CSMD1: variants seen among roughly 807,000 people sequenced by gnomAD.
The protein encoded by CSMD1 is CUB and sushi domain-containing protein 1.
A neutral mutation model predicts 417.5 loss-of-function variants in CSMD1; 213 were observed. The ratio of observed to expected loss-of-function variants is 0.51; its 90% CI spans 0.46 to 0.57. The LOEUF (loss-of-function observed/expected upper bound fraction) is 0.57, where lower values mean the gene tolerates loss of function less well. CSMD1 is among the 20% of genes least tolerant of loss of function. The pLI is 0.00. For missense variants in CSMD1, 6,923 were observed against 4,529.7 expected (o/e 1.53, Z -15.17); for synonymous variants, 2,862 against 1,736.8 (o/e 1.65, Z -16.11).
chr8:4,526,169 T>G (rs985084360), intron 2 of CSMD1, among the ~76,000 whole-genome samples: 16 of 152,204 alleles, frequency 1.1e-4, no homozygotes, highest in African/African-American at 3.9e-4. Context: ...AACCAACATT[T>G]GTGATTTTTG....
At chr8:4,709,467 G>C (rs180879121) in intron 1 of CSMD1, among the ~76,000 whole-genome samples, 4 of 152,316 alleles carry the variant, frequency 2.6e-5, no homozygotes, top group East Asian at 1.9e-4. Context: ...TCTGTCCATA[G>C]GACGTAAGGA....
At chr8:2,989,765 A>C (rs917168638) in intron 54 of CSMD1, among the ~76,000 whole-genome samples, 1 of 152,186 alleles carries the variant, frequency 6.6e-6, no homozygotes, top group Non-Finnish European at 1.5e-5. Flanking sequence ...AGCTTTTCAT[A>C]CTTAAAAGCC....
chr8:4,224,714 T>C lies in CSMD1; in HGVS notation c.416-192615A>G, dbSNP rs144629493. On this transcript the variant is annotated intron_variant, in intron 3 of 69. Transcript: ENST00000635120. The stretch of plus-strand genomic sequence containing the variant: ...ATGGAGATGAATTACTAATATAGCT[T>C]CTTTTTTCCTCCCTAGCTTTTGGTG... Among the ~76,000 whole-genome samples the C allele has an allele frequency of 7.2e-5, 11 of 152,348 alleles. No individual in the cohort carries two copies. The East Asian group carries it at 2.1e-3, about 29-fold the overall frequency.
At chr8:3,238,187 G>A (rs1383400740) in intron 26 of CSMD1, among the ~76,000 whole-genome samples, 1 of 152,010 alleles carries the variant, frequency 6.6e-6, no homozygotes, top group Non-Finnish European at 1.5e-5. Flanking sequence ...GTGGGCAGGT[G>A]TGGGGGTGTC....
At chr8:3,403,962 T>A (rs1197865045) in intron 15 of CSMD1, among the ~76,000 whole-genome samples, 1 of 152,212 alleles carries the variant, frequency 6.6e-6, no homozygotes, top group East Asian at 1.9e-4. Context: ...CCCTTCTATT[T>A]ATCAATATTT....
chr8:3,684,362 A>G (rs897578732), intron 7 of CSMD1, among the ~76,000 whole-genome samples: 5 of 147,070 alleles, frequency 3.4e-5, no homozygotes, highest in African/African-American at 1.2e-4. Context: ...AGCATGTTGT[A>G]TATTACATAA....
intron 5 of CSMD1, among the ~76,000 whole-genome samples, chr8:3,948,019 A>T (rs1355549142): frequency 6.6e-6 from 1 of 152,216 alleles, no homozygotes; most frequent in East Asian, 1.9e-4. Context: ...CAGCCTGGCC[A>T]ACATGGTAAA....
chr8:3,399,603 G>C (rs1382962530), intron 15 of CSMD1, 74 bp from the exon 16 acceptor site: 2 of 1,123,374 alleles, frequency 1.8e-6, no homozygotes, highest in East Asian at 2.7e-5. Context: ...CCGGATAAAA[G>C]CCAGAATCTG....
chr8:3,321,574 G>T (rs1182227569), intron 23 of CSMD1, among the ~76,000 whole-genome samples: 1 of 152,142 alleles, frequency 6.6e-6, no homozygotes, highest in Admixed American at 6.5e-5. Flanking sequence ...GAACGCACGG[G>T]TAGCCCAGAG....
At chr8:3,594,889 C>A (rs1172046098) in intron 8 of CSMD1, among the ~76,000 whole-genome samples, 4 of 152,246 alleles carry the variant, frequency 2.6e-5, no homozygotes, top group African/African-American at 4.8e-5. Flanking sequence ...GCAATAAATA[C>A]CTTTGGAACT....
At chr8:4,241,890 C>T (rs763893533) in intron 3 of CSMD1, among the ~76,000 whole-genome samples, 2 of 152,074 alleles carry the variant, frequency 1.3e-5, no homozygotes, top group Non-Finnish European at 2.9e-5. Flanking sequence ...AGGCAGAATG[C>T]AAGGCATAAA....
chr8:4,473,832 G>A (rs901485512), intron 2 of CSMD1, among the ~76,000 whole-genome samples: 4 of 152,068 alleles, frequency 2.6e-5, no homozygotes, highest in Non-Finnish European at 5.9e-5. Flanking sequence ...TTGTCAAATA[G>A]GAACACGCAA....
chr8:4,964,859 T>C (rs193084994), intron 1 of CSMD1, among the ~76,000 whole-genome samples: 1 of 152,304 alleles, frequency 6.6e-6, no homozygotes, highest in Non-Finnish European at 1.5e-5. Context: ...TCTGATGTAA[T>C]TGCTCCAGCT....
At chr8:4,154,089 A>C (rs1334584722) in intron 3 of CSMD1, among the ~76,000 whole-genome samples, 4 of 152,214 alleles carry the variant, frequency 2.6e-5, no homozygotes, top group Admixed American at 2.0e-4. Context: ...AAACACTGAA[A>C]ATACAGCAAA....
chr8:4,385,912 G>C (rs866333565), intron 3 of CSMD1, among the ~76,000 whole-genome samples: 27 of 152,148 alleles, frequency 1.8e-4, no homozygotes, highest in Admixed American at 1.6e-3. Flanking sequence ...CAGTTCTCCA[G>C]GAATTCCAGA....
intron 10 of CSMD1, among the ~76,000 whole-genome samples, chr8:3,531,101 C>G (rs190956446): frequency 1.3e-5 from 2 of 151,500 alleles, no homozygotes; most frequent in South Asian, 4.2e-4. Context: ...CCTCAGGTGA[C>G]CTGCCCACCT....
At chr8:3,880,836 G>A (rs1192909305) in intron 5 of CSMD1, among the ~76,000 whole-genome samples, 9 of 152,102 alleles carry the variant, frequency 5.9e-5, no homozygotes, top group Admixed American at 2.6e-4. Flanking sequence ...ATAACGTAAT[G>A]ACCTGCGCAT....
At chr8:4,781,741 T>C (rs1797162258) in intron 1 of CSMD1, among the ~76,000 whole-genome samples, 1 of 152,196 alleles carries the variant, frequency 6.6e-6, no homozygotes, top group Non-Finnish European at 1.5e-5. Flanking sequence ...ATGCTTACTA[T>C]ATGGTAACCA....
At chr8:4,395,997 G>T (rs1380272833) in intron 3 of CSMD1, among the ~76,000 whole-genome samples, 1 of 152,096 alleles carries the variant, frequency 6.6e-6, no homozygotes, top group Non-Finnish European at 1.5e-5. Context: ...TTTAAAAATG[G>T]AATGTTTTAT....
Sources: allele counts gnomAD v4.1 joint callset (sites outside exome capture counted in the v4.1 genomes callset), GRCh38; gene constraint gnomAD v4.1.1; transcripts MANE v1.5; gene names NCBI Gene and HGNC (gene_info 2026-07-23, HGNC 2026-07-21).